The following ANKS1A variants were observed in gnomAD, a reference collection of about 807,000 sequenced individuals.
ANKS1A encodes the protein ankyrin repeat and SAM domain-containing protein 1A.
ANKS1A carries 55 observed loss-of-function variants against 120.3 expected under a neutral mutation model. The ratio of observed to expected loss-of-function variants is 0.46; its 90% confidence interval spans 0.37 to 0.57. The LOEUF is 0.57. Among genes scored for constraint, ANKS1A ranks in the 20% least tolerant of loss-of-function variants. The probability of loss-of-function intolerance (pLI) is 0.00; values close to 1 mark genes in which losing one functional copy is unlikely to be tolerated. For synonymous variants in ANKS1A, 590 were observed against 604.7 expected (o/e 0.98, Z 0.36); for missense variants, 1,123 against 1,480.3 (o/e 0.76, Z 3.96).
intron 1 of ANKS1A, among the ~76,000 whole-genome samples, chr6:34,933,723 C>G (rs1404737095): frequency 1.3e-5 from 2 of 152,274 alleles, no homozygotes; most frequent in Admixed American, 1.3e-4. Flanking sequence ...AGTTGACTTC[C>G]TTGGATAGCA....
chr6:35,056,911 G>A (rs1776252216), intron 12 of ANKS1A, among the ~76,000 whole-genome samples: 1 of 151,922 alleles, frequency 6.6e-6, no homozygotes, highest in African/African-American at 2.4e-5. Context: ...AGGATCTCAG[G>A]GAGTACTGTC....
At chr6:35,040,744 A>G (rs916443027) in intron 11 of ANKS1A, among the ~76,000 whole-genome samples, 13 of 152,244 alleles carry the variant, frequency 8.5e-5, no homozygotes, top group African/African-American at 1.2e-4. Flanking sequence ...TGAGATTCCT[A>G]TGCCCTGGCT....
At chr6:34,971,464 C>T (rs187992897) in intron 3 of ANKS1A, among the ~76,000 whole-genome samples, 19 of 152,270 alleles carry the variant, frequency 1.2e-4, no homozygotes, top group Admixed American at 2.0e-4. Context: ...TGAGAGGAGA[C>T]GGGCATTCCT....
rs1027070501 is a variant in ANKS1A, at chr6:35,057,506, T to G, written c.2078-2641T>G. ...ATTGGGATACCAGTATCTCCCAGCA[T>G]ATTTAGAGGGTAATGTGTCCAGGGC... On this transcript the variant is annotated intron_variant, in intron 12 of 23. Coordinates refer to ENST00000360359, the MANE Select transcript of ANKS1A (RefSeq NM_015245.3). The surrounding 1 kb of genome is among the most constrained non-coding windows in gnomAD (Gnocchi z 4.1). Among the ~76,000 whole-genome samples, 1 of 152,176 alleles carries G rather than the reference T, an allele frequency of 6.6e-6. No homozygotes were observed. Among genetic ancestry groups the G allele is most frequent in the Admixed American group, 6.5e-5 (1 of 15,290 alleles).
intron 11 of ANKS1A, among the ~76,000 whole-genome samples, chr6:35,020,984 C>T (rs1390284893): frequency 5.3e-5 from 8 of 152,212 alleles, no homozygotes; most frequent in Admixed American, 3.9e-4. Flanking sequence ...GGTTTGCTTA[C>T]GTCCTAAACA....
intron 1 of ANKS1A, among the ~76,000 whole-genome samples, chr6:34,917,209 G>T (rs538343539): frequency 2.0e-5 from 3 of 152,354 alleles, no homozygotes; most frequent in African/African-American, 7.2e-5. Context: ...GCTTTGAAGA[G>T]CCAGCCCCAG....
At chr6:35,002,122 A>G (rs918955152) in intron 10 of ANKS1A, among the ~76,000 whole-genome samples, 10 of 152,198 alleles carry the variant, frequency 6.6e-5, no homozygotes, top group African/African-American at 2.4e-4. Flanking sequence ...AAATCCCCGC[A>G]TAACCATTGA....
intron 11 of ANKS1A, among the ~76,000 whole-genome samples, chr6:35,046,570 G>T (rs1775729652): frequency 6.6e-6 from 1 of 152,144 alleles, no homozygotes; most frequent in Non-Finnish European, 1.5e-5. Context: ...GTAGGGCATG[G>T]ATTCTATAAT....
intron 1 of ANKS1A, among the ~76,000 whole-genome samples, chr6:34,907,748 C>T (rs1421249211): frequency 6.6e-6 from 1 of 152,208 alleles, no homozygotes; most frequent in African/African-American, 2.4e-5. Context: ...GTCAAGCTGC[C>T]TGGTTTCATA....
rs1777644149 is a variant in ANKS1A at position 35,081,073 on chromosome 6, T to C, written c.2624T>C (p.Leu875Pro). ...SCTGRSADLL[L>P]PPGDTGRRRH... ...ACTGGGCGGTCGGCAGATCTGCTGC[T>C]GCCTCCAGGGGACACAGGCAGGAGG... is the stretch of plus-strand genomic sequence containing the variant. The change falls in exon 17 of 24, where the codon CTG becomes CCG. Residue 875 changes from leucine to proline, a missense_variant. This residue lies in a region of ANKS1A where 904 missense variants were observed against 1,130.4 expected (regional missense o/e 0.80). Transcript: ENST00000360359. The C allele has an allele frequency of 6.2e-7, 1 of 1,613,896 alleles. No homozygotes were observed. The highest frequency in any genetic ancestry group is 1.3e-5 in the African/African-American group (1 of 74,930).
chr6:34,968,431 T>TTTTTTG (rs1336357710), intron 2 of ANKS1A, among the ~76,000 whole-genome samples: 2 of 147,246 alleles, frequency 1.4e-5, no homozygotes, highest in Admixed American at 6.8e-5. Context: ...GCAGTGTCGT[T>TTTTTTG]TTTTTGTTTT....
At chr6:35,087,485 C>T (rs867607375) in intron 23 of ANKS1A, among the ~76,000 whole-genome samples, 8 of 152,198 alleles carry the variant, frequency 5.3e-5, no homozygotes, top group African/African-American at 1.9e-4. Flanking sequence ...CTGTACTGAG[C>T]CACAGCTGGG....
chr6:35,097,035 ATTTT>A, the ANKS1A span, among the ~76,000 whole-genome samples: 26 of 150,226 alleles, frequency 1.7e-4, no homozygotes, highest in Non-Finnish European at 3.0e-5. Context: ...ATTCCAGCCA[ATTTT>A]TTTTTTTTTA....
chr6:34,902,448 G>C (rs775125524), intron 1 of ANKS1A, among the ~76,000 whole-genome samples: 7 of 151,816 alleles, frequency 4.6e-5, no homozygotes, highest in Non-Finnish European at 8.8e-5. Flanking sequence ...GGATTTCTCC[G>C]TGTTGGTCAG....
rs1333463157 is a variant in ANKS1A, at chr6:34,889,286, G to C, written c.-117G>C. The C allele has an allele frequency of 2.9e-5, 35 of 1,206,972 alleles. No homozygotes were observed. Among genetic ancestry groups the C allele is most frequent in the Admixed American group, 4.3e-5 (1 of 23,196 alleles). 74.8% of individuals were successfully genotyped at this position (1,206,972 alleles called of 1,614,324 possible). A position where few individuals can be genotyped will look rare whatever the true frequency, so the allele number is the denominator to read the frequency against. Reference sequence around the variant, plus strand: ...GCGCTCGTGGGGAAAAGGCAGGGAGGGGGTGGTGTCCCCAGCCGGTTTGGG... The same window carrying C: ...GCGCTCGTGGGGAAAAGGCAGGGAGCGGGTGGTGTCCCCAGCCGGTTTGGG... On this transcript the variant is annotated 5_prime_UTR_variant, in exon 1 of 24. Transcript: ENST00000360359. This position sits in a 1 kb window ranked among gnomAD's most constrained non-coding sequence, Gnocchi z 5.5.
At chr6:34,942,443 A>T (rs1048606980) in intron 1 of ANKS1A, among the ~76,000 whole-genome samples, 1 of 152,234 alleles carries the variant, frequency 6.6e-6, no homozygotes, top group African/African-American at 2.4e-5. Context: ...GCTAAGATGG[A>T]GTTCCAGTGT....
intron 10 of ANKS1A, among the ~76,000 whole-genome samples, chr6:35,008,257 A>G (rs1418888560): frequency 6.6e-6 from 1 of 151,878 alleles, no homozygotes; most frequent in African/African-American, 2.4e-5. Flanking sequence ...CTCCATTGCT[A>G]GGTTGGGGCA....
intron 13 of ANKS1A, among the ~76,000 whole-genome samples, chr6:35,078,225 A>G (rs1777467242): frequency 6.6e-6 from 1 of 152,146 alleles, no homozygotes; most frequent in African/African-American, 2.4e-5. Context: ...CTAGTTCTTT[A>G]TCTTGGATGC....
chr6:34,930,604 C>T (rs887649176), intron 1 of ANKS1A, among the ~76,000 whole-genome samples: 4 of 152,142 alleles, frequency 2.6e-5, no homozygotes, highest in Non-Finnish European at 4.4e-5. Flanking sequence ...TGGTTTGTCT[C>T]TCCTCTTTCC....
Sources: allele counts gnomAD v4.1 joint callset (sites outside exome capture counted in the v4.1 genomes callset), GRCh38; gene constraint gnomAD v4.1.1; regional missense constraint gnomAD v4.1.1; non-coding constraint Gnocchi (gnomAD v3.1); transcripts MANE v1.5; gene names NCBI Gene and HGNC (gene_info 2026-07-23, HGNC 2026-07-21).